RAP1A: variants seen among roughly 807,000 people sequenced by gnomAD.
RAP1A encodes RAP1A, member of RAS oncogene family.
Under a neutral mutation model 26.4 loss-of-function variants are expected in RAP1A, and 6 were observed. That is an observed-to-expected ratio of 0.23 (90% CI 0.12 to 0.45). The LOEUF (loss-of-function observed/expected upper bound fraction) is 0.45, where lower values mean the gene tolerates loss of function less well. Ranked by LOEUF, RAP1A falls within the 20% of genes least tolerant of loss-of-function variation. The pLI, the probability that RAP1A is intolerant of heterozygous loss-of-function variation, is 0.99. For synonymous variants in RAP1A, 73 were observed against 79.4 expected, an observed-to-expected ratio of 0.92 and a Z score of 0.43; for missense variants, 121 against 217.2, an observed-to-expected ratio of 0.56 and a Z score of 2.78.
chr1:111,572,317 C>T (rs1223059764), intron 1 of RAP1A, among the ~76,000 whole-genome samples: 1 of 152,232 alleles, frequency 6.6e-6, no homozygotes, highest in Non-Finnish European at 1.5e-5. Flanking sequence ...AGCTTCCTAC[C>T]ATTCAAGTTT....
chr1:111,544,750 T>C (rs1656975832), intron 1 of RAP1A, among the ~76,000 whole-genome samples: 1 of 151,878 alleles, frequency 6.6e-6, no homozygotes, highest in Non-Finnish European at 1.5e-5. Context: ...ATATACCCAA[T>C]TTCTTGGGTA....
intron 1 of RAP1A, among the ~76,000 whole-genome samples, chr1:111,561,614 A>G (rs1657740412): frequency 6.6e-6 from 1 of 152,236 alleles, no homozygotes; most frequent in Non-Finnish European, 1.5e-5. Context: ...AGAAGGTCAC[A>G]GAATTTTATT....
At chr1:111,619,437 A>G (rs1241223090), upstream of RAP1A, among the ~76,000 whole-genome samples, 1 of 152,094 alleles carries the variant, frequency 6.6e-6, no homozygotes, top group Non-Finnish European at 1.5e-5. Context: ...CTATGACTTT[A>G]AACCTCTGCG....
rs1662538044 is a variant in RAP1A at position 111,716,215 on chromosome 1, G to C, written c.*3814G>C. 6.6e-6 allele frequency: 1 copy of C among 152,312 alleles called. No individual in the cohort carries two copies. The highest frequency in any genetic ancestry group is 1.5e-5 in the Non-Finnish European group (1 of 68,016). 9.4% of individuals were successfully genotyped at this position (152,312 alleles called of 1,614,324 possible). On this transcript the variant is annotated 3_prime_UTR_variant, in exon 8 of 8. Coordinates refer to ENST00000369709, the MANE Select transcript of RAP1A (RefSeq NM_002884.4). Reference sequence around the variant, plus strand: ...TGGTTTGGATTCTTGTCCAGGGTCTGGAAAGAGCTCATCTTGCCGAGAGGG... The same window carrying C: ...TGGTTTGGATTCTTGTCCAGGGTCTCGAAAGAGCTCATCTTGCCGAGAGGG...
chr1:111,594,478 C>A (rs550348238), intron 1 of RAP1A, among the ~76,000 whole-genome samples: 17 of 133,502 alleles, frequency 1.3e-4, no homozygotes, highest in Non-Finnish European at 2.0e-4. Context: ...AGACAAAAAA[C>A]GGAAGGAAGG....
rs902032544 is a variant in RAP1A, at chr1:111,716,271, T to G, written c.*3870T>G. ...AATGTGAGCTTTGAGGCGGTCTAAC[T>G]ACCCAGCTTTTAGTATTTATGTTCC... On this transcript the variant is annotated 3_prime_UTR_variant, in exon 8 of 8. Coordinates refer to ENST00000369709, the MANE Select transcript of RAP1A (RefSeq NM_002884.4). 4.1e-4 allele frequency: 62 copies of G among 152,280 alleles called. No homozygotes were observed. Among genetic ancestry groups the G allele is most frequent in the African/African-American group, 1.5e-3 (61 of 41,562 alleles). 9.4% of individuals were successfully genotyped at this position (152,280 alleles called of 1,614,324 possible). A position where few individuals can be genotyped will look rare whatever the true frequency, so the allele number is the denominator to read the frequency against.
intron 1 of RAP1A, among the ~76,000 whole-genome samples, chr1:111,658,146 ATATAT>A (rs1660524071): frequency 6.6e-6 from 1 of 152,192 alleles, no homozygotes; most frequent in Non-Finnish European, 1.5e-5. Context: ...GTTCGGAGAA[ATATAT>A]TATTAGGCAA....
chr1:111,607,134 A>T (rs1658801330), intron 1 of RAP1A, among the ~76,000 whole-genome samples: 1 of 150,652 alleles, frequency 6.6e-6, no homozygotes, highest in Non-Finnish European at 1.5e-5. Context: ...AAGTGAACAA[A>T]GGTCTCTGGT....
At chr1:111,648,741 A>G (rs1482796646) in intron 1 of RAP1A, 2 of 597,676 alleles carry the variant, frequency 3.3e-6, no homozygotes, top group East Asian at 3.7e-5. Flanking sequence ...CGTGGTGACC[A>G]CTGTGGTGCC....
intron 1 of RAP1A, among the ~76,000 whole-genome samples, chr1:111,686,087 A>G (rs561290456): frequency 3.1e-4 from 46 of 149,656 alleles, no homozygotes; most frequent in Non-Finnish European, 5.8e-4. Context: ...GAACACATGG[A>G]CATAGGGAGG....
At chr1:111,649,472 C>T (rs888479890) in intron 1 of RAP1A, 14 of 314,330 alleles carry the variant, frequency 4.5e-5, no homozygotes, top group East Asian at 1.6e-4. Flanking sequence ...GCTGGCCAGG[C>T]GCCATAGCTG....
chr1:111,608,115 C>G (rs1411421930), intron 1 of RAP1A: 1 of 167,328 alleles, frequency 6.0e-6, no homozygotes, highest in East Asian at 1.8e-4. Flanking sequence ...GGGGTGACTG[C>G]CGGGCGGAGG....
At chr1:111,554,326 C>A (rs538479394) in intron 1 of RAP1A, among the ~76,000 whole-genome samples, 70 of 152,296 alleles carry the variant, frequency 4.6e-4, no homozygotes, top group African/African-American at 1.7e-3. Flanking sequence ...AAAAACCTCT[C>A]AAACCTACCA....
chr1:111,605,143 T>G (rs114325804), intron 1 of RAP1A, among the ~76,000 whole-genome samples: 447 of 152,316 alleles, frequency 2.9e-3, no homozygotes, highest in African/African-American at 0.01. Flanking sequence ...TGCTGTGAAG[T>G]GCAGGGCATG....
intron 1 of RAP1A, chr1:111,650,455 T>A (rs1660229167): frequency 6.6e-6 from 1 of 152,174 alleles, no homozygotes; most frequent in African/African-American, 2.4e-5. Flanking sequence ...CTTCATGAAT[T>A]TGTGTGTCAT....
In RAP1A at chr1:111,581,749, G is replaced by A. The variant is rs139042652; in HGVS notation, c.-28+39240G>A. Among the ~76,000 whole-genome samples the A allele has an allele frequency of 2.6e-5, 4 of 152,300 alleles. No individual in the cohort carries two copies. The East Asian group carries it at 7.7e-4, about 29-fold the overall frequency. ...AGACTCAAAGATAAGACACAAGCTC[G>A]TACTCTAAGTTTTGAATAAAATGAT... On this transcript the variant is annotated intron_variant, in intron 1 of 7. Coordinates refer to the RAP1A transcript ENST00000356415.
chr1:111,704,635 A>G (rs911380307), intron 6 of RAP1A, 149 bp downstream of exon 6: 2 of 889,248 alleles, frequency 2.2e-6, no homozygotes, highest in Non-Finnish European at 3.2e-6. Flanking sequence ...TGGAAACTAT[A>G]TTTTTTAGCT....
intron 1 of RAP1A, among the ~76,000 whole-genome samples, chr1:111,634,044 T>G (rs1659651509): frequency 6.6e-6 from 1 of 152,218 alleles, no homozygotes; most frequent in Non-Finnish European, 1.5e-5. Context: ...TGTAGTCAAT[T>G]TTGATCTTTT....
In RAP1A at chr1:111,716,641, G is replaced by T. The variant is rs1662548416; in HGVS notation, c.*4240G>T. 1 of 152,236 alleles carries T rather than the reference G, an allele frequency of 6.6e-6. No homozygotes were observed. The highest frequency in any genetic ancestry group is 2.4e-5 in the African/African-American group (1 of 41,466). The allele number at this position is 152,236 out of a possible 1,614,324, so 9.4% of individuals were successfully genotyped here. A position where few individuals can be genotyped will look rare whatever the true frequency, so the allele number is the denominator to read the frequency against. On this transcript the variant is annotated 3_prime_UTR_variant, in exon 8 of 8. Transcript: ENST00000369709. ...TAATTGCTTCTCTCAAGAAGCAAGA[G>T]ATTGGCTGTTCCTCTTGAGGAAAAA...
Sources: gnomAD v4.1 joint callset for allele counts (sites outside exome capture counted in the v4.1 genomes callset) on GRCh38, gnomAD v4.1.1 for gene constraint, MANE v1.5 for transcripts, NCBI Gene and HGNC (gene_info 2026-07-23, HGNC 2026-07-21) for gene names.